The following CTNNA3 variants were observed in gnomAD, a reference collection of about 807,000 sequenced individuals.
The protein encoded by CTNNA3 is catenin alpha 3.
A neutral mutation model predicts 95.7 loss-of-function variants in CTNNA3; 76 were observed. The ratio of observed to expected loss-of-function variants is 0.79; its 90% confidence interval spans 0.66 to 0.96. CTNNA3 has a LOEUF of 0.96. CTNNA3 is among the 40% of genes least tolerant of loss of function. The probability of loss-of-function intolerance (pLI) is 0.00; values close to 1 mark genes in which losing one functional copy is unlikely to be tolerated. For missense variants in CTNNA3, 1,191 were observed against 1,089.8 expected (o/e 1.09, Z -1.31); for synonymous variants, 431 against 374.4 (o/e 1.15, Z -1.74).
chr10:66,445,322 C>G (rs1359368135), intron 11 of CTNNA3, among the ~76,000 whole-genome samples: 1 of 152,014 alleles, frequency 6.6e-6, no homozygotes, highest in Admixed American at 6.6e-5. Flanking sequence ...CCAAGCAGAC[C>G]TAATAGACAT....
At chr10:67,062,725 C>T (rs1855830354) in intron 7 of CTNNA3, among the ~76,000 whole-genome samples, 1 of 152,202 alleles carries the variant, frequency 6.6e-6, no homozygotes, top group African/African-American at 2.4e-5. Context: ...GGAAGCTACA[C>T]TCCCAGAATT....
chr10:66,761,671 T>G (rs1022083382), intron 9 of CTNNA3, among the ~76,000 whole-genome samples: 1 of 152,146 alleles, frequency 6.6e-6, no homozygotes, highest in Non-Finnish European at 1.5e-5. Flanking sequence ...ATAATGCATT[T>G]ATTGAATGTA....
At chr10:67,027,816 C>T (rs139398872) in intron 7 of CTNNA3, among the ~76,000 whole-genome samples, 2 of 152,156 alleles carry the variant, frequency 1.3e-5, no homozygotes, top group African/African-American at 2.4e-5. Flanking sequence ...AGAGTATATT[C>T]GTTTTTTCCT....
chr10:66,094,157 A>T (rs1291496929), intron 14 of CTNNA3, among the ~76,000 whole-genome samples: 1 of 152,128 alleles, frequency 6.6e-6, no homozygotes, highest in Non-Finnish European at 1.5e-5. Flanking sequence ...AGATACTAGT[A>T]AAGGGAAAGA....
chr10:66,822,688 A>T (rs1842344284), intron 7 of CTNNA3, among the ~76,000 whole-genome samples: 1 of 152,196 alleles, frequency 6.6e-6, no homozygotes, highest in African/African-American at 2.4e-5. Context: ...CACAGATCCT[A>T]TTAAAGAAAG....
At chr10:66,988,908 C>G (rs1311669455) in intron 7 of CTNNA3, among the ~76,000 whole-genome samples, 1 of 151,954 alleles carries the variant, frequency 6.6e-6, no homozygotes, top group Non-Finnish European at 1.5e-5. Flanking sequence ...CCCCTATTTG[C>G]TCCACTACTC....
At chr10:67,176,380 C>T (rs1200278084) in intron 7 of CTNNA3, among the ~76,000 whole-genome samples, 1 of 152,144 alleles carries the variant, frequency 6.6e-6, no homozygotes, top group African/African-American at 2.4e-5. Flanking sequence ...TCCAAAAATA[C>T]AATTCAGCTT....
At chr10:65,931,260 G>A (rs868522512) in intron 17 of CTNNA3, among the ~76,000 whole-genome samples, 13 of 152,190 alleles carry the variant, frequency 8.5e-5, no homozygotes, top group African/African-American at 3.1e-4. Flanking sequence ...CAGGGCTCTT[G>A]TGTGCTTTTG....
intron 10 of CTNNA3, among the ~76,000 whole-genome samples, chr10:66,617,561 C>T (rs557192238): frequency 6.6e-6 from 1 of 152,036 alleles, no homozygotes; most frequent in Non-Finnish European, 1.5e-5. Context: ...GGACGTATCT[C>T]AAAATAATAA....
chr10:67,331,855 T>C (rs1457093072), intron 5 of CTNNA3, among the ~76,000 whole-genome samples: 1 of 152,160 alleles, frequency 6.6e-6, no homozygotes, highest in Non-Finnish European at 1.5e-5. Context: ...AAACATAATG[T>C]CTTCCCAGTG....
chr10:66,349,275 C>T (rs1165263934), intron 12 of CTNNA3, among the ~76,000 whole-genome samples: 1 of 151,918 alleles, frequency 6.6e-6, no homozygotes, highest in East Asian at 1.9e-4. Context: ...AACTGAATTC[C>T]GCCAACAACC....
At chr10:66,505,440 G>A (rs1006991268) in intron 11 of CTNNA3, among the ~76,000 whole-genome samples, 1 of 152,074 alleles carries the variant, frequency 6.6e-6, no homozygotes, top group Non-Finnish European at 1.5e-5. Flanking sequence ...ACAATATACT[G>A]TAACATGAAA....
chr10:66,916,621 A>T (rs1846506599), intron 7 of CTNNA3, among the ~76,000 whole-genome samples: 1 of 152,216 alleles, frequency 6.6e-6, no homozygotes, highest in African/African-American at 2.4e-5. Context: ...ATTATCAGCT[A>T]ATACCATAGG....
In CTNNA3 at chr10:67,499,233, G is replaced by A. The variant is rs143460184; in HGVS notation, c.579+22609C>T. ...TGGTTCTGTTTAGGTGATGAATTACGTTTATTGATTTGCATATGTTGAACC... is the reference window on the plus strand; with the variant it reads ...TGGTTCTGTTTAGGTGATGAATTACATTTATTGATTTGCATATGTTGAACC... On this transcript the variant is annotated intron_variant, in intron 5 of 17. Coordinates refer to ENST00000433211, the MANE Select transcript of CTNNA3 (RefSeq NM_013266.4). Among the ~76,000 whole-genome samples, 259 of 152,230 alleles carry A rather than the reference G, an allele frequency of 1.7e-3. 5 individuals carry two copies. The highest frequency in any genetic ancestry group is 3.5e-4 in the Non-Finnish European group (24 of 68,008).
At chr10:66,162,259 T>C (rs973473290) in intron 13 of CTNNA3, among the ~76,000 whole-genome samples, 2 of 152,116 alleles carry the variant, frequency 1.3e-5, no homozygotes, top group Non-Finnish European at 2.9e-5. Flanking sequence ...TTGTGATTTT[T>C]TGAGGGGATG....
intron 5 of CTNNA3, among the ~76,000 whole-genome samples, chr10:67,453,053 T>C (rs761761982): frequency 1.2e-4 from 18 of 152,046 alleles, no homozygotes; most frequent in Admixed American, 6.6e-5. Context: ...AGTGGGGCCA[T>C]GTTACCAGAT....
intron 3 of CTNNA3, among the ~76,000 whole-genome samples, chr10:67,587,275 G>A (rs1401919041): frequency 6.7e-6 from 1 of 150,254 alleles, no homozygotes; most frequent in African/African-American, 2.4e-5. Context: ...GCCCAGGCTG[G>A]TCTTGAAATC....
chr10:67,370,112 T>G (rs1289490517), intron 5 of CTNNA3, among the ~76,000 whole-genome samples: 1 of 152,148 alleles, frequency 6.6e-6, no homozygotes, highest in Non-Finnish European at 1.5e-5. Context: ...AGATTGAAAA[T>G]CATTAAAATG....
intron 5 of CTNNA3, among the ~76,000 whole-genome samples, chr10:67,381,945 C>T (rs1223661954): frequency 6.6e-6 from 1 of 152,062 alleles, no homozygotes; most frequent in Non-Finnish European, 1.5e-5. Flanking sequence ...ATTTTACTTA[C>T]ATGTACATTG....
Sources: allele counts gnomAD v4.1 joint callset (sites outside exome capture counted in the v4.1 genomes callset), GRCh38; gene constraint gnomAD v4.1.1; transcripts MANE v1.5; gene names NCBI Gene and HGNC (gene_info 2026-07-23, HGNC 2026-07-21).